TRDN: variants seen among roughly 807,000 people sequenced by gnomAD.
TRDN encodes the protein triadin, also known as triadin in skeletal muscle.
Under a neutral mutation model 149.7 loss-of-function variants are expected in TRDN, and 161 were observed. The observed-to-expected ratio is 1.08, with a 90% CI of 0.95 to 1.23. The LOEUF is 1.23. Among genes scored for constraint, TRDN ranks in the 50% most tolerant of loss-of-function variants. The probability of loss-of-function intolerance (pLI) is 0.00; values close to 1 mark genes in which losing one functional copy is unlikely to be tolerated. For synonymous variants in TRDN, 294 were observed against 250.5 expected (o/e 1.17, Z -1.64); for missense variants, 896 against 823.5 (o/e 1.09, Z -1.08).
chr6:123,246,758 T>G, intron 38 of TRDN, among the ~76,000 whole-genome samples: 1 of 149,624 alleles, frequency 6.7e-6, no homozygotes, highest in East Asian at 2.0e-4. Flanking sequence ...GCCAGCATCA[T>G]CCTGATACCA....
chr6:123,429,657 A>G (rs535292131), intron 12 of TRDN, among the ~76,000 whole-genome samples: 1 of 152,342 alleles, frequency 6.6e-6, no homozygotes, highest in African/African-American at 2.4e-5. Context: ...ATTGAGATTA[A>G]CAGATTAAAA....
Position 123,339,905 on chromosome 6 carries a change from C to A in TRDN, c.1370-2236G>T, listed in dbSNP as rs185492909. ...TACATTTTGATGTGCTATTGCCAGA[C>A]CTTTAAAAATTTAAAATACAGATTA... On this transcript the variant is annotated intron_variant, in intron 21 of 40. Coordinates refer to ENST00000334268, the MANE Select transcript of TRDN (RefSeq NM_006073.4). 1.3e-3 allele frequency among the ~76,000 whole-genome samples: 196 copies of A among 152,092 alleles called. No individual in the cohort carries two copies. The Middle Eastern group carries it at 0.014, about 11-fold the overall frequency.
intron 24 of TRDN, among the ~76,000 whole-genome samples, chr6:123,301,460 A>ACTTCC (rs1673047138): frequency 6.6e-6 from 1 of 151,816 alleles, no homozygotes. Context: ...TTGTGAGTCC[A>ACTTCC]CTTCCCTGCC....
intron 2 of TRDN, among the ~76,000 whole-genome samples, chr6:123,552,980 T>C (rs1198099177): frequency 6.6e-6 from 1 of 152,202 alleles, no homozygotes; most frequent in African/African-American, 2.4e-5. Context: ...TAAAGTACTC[T>C]GTGCTTCCAT....
At chr6:123,515,702 C>A (rs1343452863) in intron 6 of TRDN, among the ~76,000 whole-genome samples, 1 of 151,974 alleles carries the variant, frequency 6.6e-6, no homozygotes, top group Non-Finnish European at 1.5e-5. Context: ...AAGGTTTTCA[C>A]AAAGTATCTT....
intron 21 of TRDN, among the ~76,000 whole-genome samples, chr6:123,342,646 C>T (rs534116505): frequency 3.9e-5 from 6 of 152,022 alleles, no homozygotes; most frequent in East Asian, 1.9e-4. Context: ...AGATAAGTAA[C>T]TTGCCCAAGG....
intron 13 of TRDN, 44 bp downstream of exon 13, chr6:123,393,580 T>A: frequency 6.5e-7 from 1 of 1,549,190 alleles, no homozygotes; most frequent in Non-Finnish European, 8.8e-7. Context: ...GTGCTATAGA[T>A]GTTTAAAAAA....
At chr6:123,414,529 G>A (rs1257613558) in intron 12 of TRDN, among the ~76,000 whole-genome samples, 2 of 152,014 alleles carry the variant, frequency 1.3e-5, no homozygotes, top group Non-Finnish European at 2.9e-5. Flanking sequence ...TTTCAGTCAG[G>A]AAAAATCAAA....
chr6:123,358,634 T>TTTTGTATTG (rs1554227887), intron 20 of TRDN, among the ~76,000 whole-genome samples: 12 of 24,182 alleles, frequency 5.0e-4, no homozygotes, highest in South Asian at 1.9e-3. Context: ...CTGGCTAATT[T>TTTTGTATTG]TTTTGTATTG....
At chr6:123,300,118 G>T (rs974195138) in intron 24 of TRDN, among the ~76,000 whole-genome samples, 10 of 151,872 alleles carry the variant, frequency 6.6e-5, no homozygotes, top group African/African-American at 2.4e-4. Context: ...CTAGTGAATG[G>T]CTTGTACCAC....
intron 24 of TRDN, among the ~76,000 whole-genome samples, chr6:123,301,772 T>TATATATAC (rs1562252303): frequency 2.0e-3 from 249 of 124,484 alleles, no homozygotes; most frequent in Middle Eastern, 7.9e-3. Context: ...TATATATACA[T>TATATATAC]ATATATATAT....
chr6:123,266,106 CATATGTATTATATATTATATATATTATA>C (rs1314768249), intron 32 of TRDN, among the ~76,000 whole-genome samples: 1 of 119,974 alleles, frequency 8.3e-6, no homozygotes, highest in South Asian at 2.3e-4. Context: ...TATTATATAT[CATATGTATTATATATTATATATATTATA>C]ATATGTATTA....
intron 12 of TRDN, among the ~76,000 whole-genome samples, chr6:123,404,954 T>C (rs1773135588): frequency 6.6e-6 from 1 of 152,240 alleles, no homozygotes; most frequent in African/African-American, 2.4e-5. Flanking sequence ...ATGTTAGGCA[T>C]GCAGATCTAA....
intron 1 of TRDN, among the ~76,000 whole-genome samples, chr6:123,587,113 G>A (rs1328154380): frequency 1.3e-5 from 2 of 152,070 alleles, no homozygotes; most frequent in Admixed American, 1.3e-4. Flanking sequence ...TAGAGACACA[G>A]AGAGAAGGGG....
intron 38 of TRDN, among the ~76,000 whole-genome samples, chr6:123,230,411 T>C (rs1775555476): frequency 6.6e-6 from 1 of 151,860 alleles, no homozygotes; most frequent in African/African-American, 2.4e-5. Flanking sequence ...GGGGGAGGGA[T>C]AGTATTAGGA....
At chr6:123,316,369 C>T (rs909464819) in intron 24 of TRDN, 88 bp downstream of exon 24, 2 of 1,262,998 alleles carry the variant, frequency 1.6e-6, no homozygotes, top group Non-Finnish European at 2.3e-6. Context: ...AATATTTTAT[C>T]CAGCCAGGAT....
At chr6:123,305,381 T>C (rs986584161) in intron 24 of TRDN, among the ~76,000 whole-genome samples, 10 of 152,150 alleles carry the variant, frequency 6.6e-5, no homozygotes, top group Non-Finnish European at 7.4e-5. Context: ...CTATATATCA[T>C]TTTTAGTTAT....
intron 4 of TRDN, among the ~76,000 whole-genome samples, chr6:123,541,597 T>G (rs1780838577): frequency 6.6e-6 from 1 of 152,158 alleles, no homozygotes; most frequent in African/African-American, 2.4e-5. Context: ...AAGATAAAGC[T>G]CTAAGCTCCT....
intron 10 of TRDN, among the ~76,000 whole-genome samples, chr6:123,453,111 T>A (rs1032963812): frequency 6.6e-6 from 1 of 152,122 alleles, no homozygotes; most frequent in African/African-American, 2.4e-5. Context: ...CCAAGATGGA[T>A]AAAGGATTTA....
Sources: gnomAD v4.1 joint callset for allele counts (sites outside exome capture counted in the v4.1 genomes callset) on GRCh38, gnomAD v4.1.1 for gene constraint, MANE v1.5 for transcripts, NCBI Gene and HGNC (gene_info 2026-07-23, HGNC 2026-07-21) for gene names.